The following DOCK10 variants were observed in gnomAD, a reference collection of about 807,000 sequenced individuals.
DOCK10 encodes dedicator of cytokinesis protein 10.
A neutral mutation model predicts 280.1 loss-of-function variants in DOCK10; 145 were observed. The ratio of observed to expected loss-of-function variants is 0.52; its 90% CI spans 0.45 to 0.59. DOCK10 has a LOEUF of 0.59. Among genes scored for constraint, DOCK10 ranks in the 20% least tolerant of loss-of-function variants. The pLI, the probability that DOCK10 is intolerant of heterozygous loss-of-function variation, is 0.00. For synonymous variants in DOCK10, 915 were observed against 942.2 expected (o/e 0.97, Z 0.53); for missense variants, 2,368 against 2,651.7 (o/e 0.89, Z 2.35).
chr2:224,820,943 C>G (rs2125323742), intron 28 of DOCK10, among the ~76,000 whole-genome samples: 1 of 152,286 alleles, frequency 6.6e-6, no homozygotes, highest in East Asian at 1.9e-4. Context: ...AATGAATCAG[C>G]CTTTGCTACC....
chr2:224,844,031 C>G (rs536711360), intron 22 of DOCK10, among the ~76,000 whole-genome samples: 4 of 152,170 alleles, frequency 2.6e-5, no homozygotes, highest in Non-Finnish European at 5.9e-5. Flanking sequence ...CTCTCAAATG[C>G]AGTTCTGCCA....
chr2:224,916,789 A>G lies in DOCK10; in HGVS notation c.244-5T>C, dbSNP rs1161628160. ...ATCCCAGGAAACTGTGGCTGCCTGA[A>G]ACGAACAATGAAAAGAAATTGAGTC... is the stretch of plus-strand genomic sequence containing the variant. On this transcript the variant is annotated splice_region_variant and splice_polypyrimidine_tract_variant and intron_variant, in intron 2 of 55. Transcript: ENST00000258390. 6.2e-7 allele frequency: 1 copy of G among 1,605,036 alleles called. No individual in the cohort carries two copies. Among genetic ancestry groups the G allele is most frequent in the Non-Finnish European group, 8.5e-7 (1 of 1,175,194 alleles).
chr2:224,852,699 C>T (rs138534071), intron 17 of DOCK10, among the ~76,000 whole-genome samples: 7 of 152,098 alleles, frequency 4.6e-5, no homozygotes, highest in Admixed American at 2.6e-4. Context: ...AAAAAATAGT[C>T]GAACAAAATT....
chr2:224,909,528 T>C (rs1700879691), intron 3 of DOCK10, among the ~76,000 whole-genome samples: 1 of 152,130 alleles, frequency 6.6e-6, no homozygotes, highest in African/African-American at 2.4e-5. Flanking sequence ...AGTACCCTCA[T>C]CCAGTCAGGC....
intron 4 of DOCK10, among the ~76,000 whole-genome samples, chr2:224,896,083 A>C (rs1027911212): frequency 6.6e-6 from 1 of 152,192 alleles, no homozygotes; most frequent in East Asian, 1.9e-4. Context: ...AAATTAAATC[A>C]GAGTATATTT....
chr2:224,861,076 A>G (rs1434447477), intron 14 of DOCK10: 1 of 152,246 alleles, frequency 6.6e-6, no homozygotes, highest in African/African-American at 2.4e-5. Flanking sequence ...ATGCTTAACA[A>G]TACCAAAAAT....
In DOCK10 at chr2:224,927,979, G is replaced by GCC. The variant is rs1455490054; in HGVS notation, c.243+3569_243+3570insGG. Among the ~76,000 whole-genome samples, 3 of 152,100 alleles carry GCC rather than the reference G, an allele frequency of 2.0e-5. No homozygotes were observed. The East Asian group carries it at 5.8e-4, about 29-fold the overall frequency. ...CCCTCAATGCCTTGGGATTGGGGTGGTCATTCTATGACCACTTCACATTGA... is the reference window on the plus strand; with the variant it reads ...CCCTCAATGCCTTGGGATTGGGGTGGCCTCATTCTATGACCACTTCACATTGA... On this transcript the variant is annotated intron_variant, in intron 2 of 55. Transcript: ENST00000258390.
Position 224,864,660 on chromosome 2 carries a change from T to C in DOCK10, c.1495A>G (p.Ser499Gly). The change falls in exon 13 of 56, where the codon AGC (serine) becomes GGC (glycine). Residue 499 changes from serine to glycine, a missense_variant. Physicochemically the swap from Ser to Gly is moderately conservative, Grantham distance 56 (BLOSUM62 0). Around this residue, in one of 2 missense-constraint regions of DOCK10, gnomAD observed 1,209 missense variants for 1,250.9 expected, o/e 0.97. Coordinates refer to ENST00000258390, the MANE Select transcript of DOCK10 (RefSeq NM_014689.3). ...AAAACAATTTCAGAATGTGGATTGC[T>C]TACAGAAAATACAGCCTGTGTACAA... ...KFPKQAVFSV[S>G]NPHSEIVLVA... is the part of the protein sequence containing the mutation. The C allele has an allele frequency of 6.2e-7, 1 of 1,611,922 alleles. No individual in the cohort carries two copies. Among genetic ancestry groups the C allele is most frequent in the South Asian group, 1.1e-5 (1 of 90,532 alleles).
chr2:225,031,121 T>C (rs1049280850), intron 1 of DOCK10, among the ~76,000 whole-genome samples: 1 of 152,098 alleles, frequency 6.6e-6, no homozygotes, highest in Admixed American at 6.5e-5. Context: ...GTATCAGAAG[T>C]GTAAGGGCAA....
At chr2:225,018,104 T>C (rs374770444) in intron 1 of DOCK10, among the ~76,000 whole-genome samples, 3 of 152,204 alleles carry the variant, frequency 2.0e-5, no homozygotes, top group Admixed American at 1.3e-4. Context: ...ATTATACCAA[T>C]GTGACGACTC....
chr2:224,980,946 GT>G (rs948890945), intron 1 of DOCK10, among the ~76,000 whole-genome samples: 9 of 150,862 alleles, frequency 6.0e-5, no homozygotes, highest in Non-Finnish European at 8.9e-5. Context: ...GAGGTATAAG[GT>G]TTTTTTTTGC....
chr2:224,874,677 C>T lies in DOCK10; in HGVS notation c.1006G>A (p.Asp336Asn). The change falls in exon 9 of 56, where the codon GAC (aspartate) becomes AAC (asparagine). Residue 336 changes from aspartate to asparagine, a missense_variant. Transcript: ENST00000258390. The part of the protein sequence containing the change: ...TDSSENNLHA[D>N]FAKYLTETED... ...GCCAACTTTATTACCTTTGCAAAGT[C>T]TGCGTGTAGGTTGTTCTCTGAAGAA... 6.2e-7 allele frequency: 1 copy of T among 1,613,888 alleles called. No individual in the cohort carries two copies. The highest frequency in any genetic ancestry group is 1.1e-5 in the South Asian group (1 of 91,080).
At chr2:224,784,346 C>T (rs112432392) in intron 50 of DOCK10, among the ~76,000 whole-genome samples, 5,466 of 152,220 alleles carry the variant, frequency 0.036, 141 homozygotes, top group Middle Eastern at 0.078. Flanking sequence ...CCATTCTGGT[C>T]TCCTTAATAA....
intron 3 of DOCK10, 63 bp from the exon 4 acceptor site, chr2:224,896,440 G>T: frequency 9.3e-7 from 1 of 1,071,224 alleles, no homozygotes; most frequent in South Asian, 1.6e-5. Context: ...TGGGCGCGGT[G>T]GCGCTTGCCT....
Position 224,775,052 on chromosome 2 carries a change from A to G in DOCK10, c.5866T>C (p.Phe1956Leu). 1 of 1,614,020 alleles carries G rather than the reference A, an allele frequency of 6.2e-7. No individual in the cohort carries two copies. Among genetic ancestry groups the G allele is most frequent in the Non-Finnish European group, 8.5e-7 (1 of 1,179,890 alleles). Residue 1956 changes from phenylalanine (F) to leucine (L), a missense_variant, in exon 52 of 56, where the codon TTT becomes CTT. Phe to Leu is a conservative substitution (Grantham distance 22, BLOSUM62 0). Transcript: ENST00000258390. ...YIQVTYVTPFFEEKEIEDRKT... is the reference protein window; with the variant it reads ...YIQVTYVTPFLEEKEIEDRKT... ...CGGTCTTCGATTTCCTTTTCCTCAAAGAACGGCGTCACATAGGTCACCTGG... is the reference window on the plus strand; with the variant it reads ...CGGTCTTCGATTTCCTTTTCCTCAAGGAACGGCGTCACATAGGTCACCTGG...
intron 4 of DOCK10, among the ~76,000 whole-genome samples, chr2:224,888,384 G>A (rs1167927166): frequency 2.0e-5 from 3 of 151,898 alleles, no homozygotes; most frequent in Non-Finnish European, 4.4e-5. Flanking sequence ...GTATATGTGT[G>A]TGAATATATA....
At chr2:224,985,688 G>A (rs1432665344) in intron 1 of DOCK10, among the ~76,000 whole-genome samples, 4 of 151,396 alleles carry the variant, frequency 2.6e-5, no homozygotes, top group Non-Finnish European at 4.4e-5. Context: ...AAATCGTACT[G>A]AATCCTAGGA....
chr2:224,890,858 G>C (rs147093457), intron 4 of DOCK10, among the ~76,000 whole-genome samples: 45 of 152,298 alleles, frequency 3.0e-4, no homozygotes, highest in Middle Eastern at 3.4e-3. Flanking sequence ...CACGTGTACT[G>C]TGGTCAAAAG....
intron 11 of DOCK10, among the ~76,000 whole-genome samples, chr2:224,873,554 G>A (rs1454246805): frequency 3.2e-5 from 4 of 124,326 alleles, no homozygotes; most frequent in East Asian, 2.5e-4. Flanking sequence ...CCGAGACTGC[G>A]CAACTGCACT....
Sources: allele counts gnomAD v4.1 joint callset (sites outside exome capture counted in the v4.1 genomes callset), GRCh38; gene constraint gnomAD v4.1.1; regional missense constraint gnomAD v4.1.1; transcripts MANE v1.5; gene names NCBI Gene and HGNC (gene_info 2026-07-23, HGNC 2026-07-21).